ATP8A2: variants seen among roughly 807,000 people sequenced by gnomAD.
ATP8A2 encodes the protein ATPase phospholipid transporting 8A2.
ATP8A2 carries 100 observed loss-of-function variants against 165.6 expected under a neutral mutation model. The observed-to-expected ratio is 0.60, with a 90% CI of 0.51 to 0.71. ATP8A2 has a LOEUF of 0.71. Among genes scored for constraint, ATP8A2 ranks in the 30% least tolerant of loss-of-function variants. The pLI is 0.00. For missense variants in ATP8A2, 1,227 were observed against 1,479.5 expected (o/e 0.83, Z 2.80); for synonymous variants, 543 against 548.8 (o/e 0.99, Z 0.15).
chr13:25,815,673 T>C (rs1234688749), intron 27 of ATP8A2, among the ~76,000 whole-genome samples: 1 of 152,238 alleles, frequency 6.6e-6, no homozygotes, highest in Non-Finnish European at 1.5e-5. Context: ...GATCCAGCAA[T>C]TCTACTTCTG....
chr13:25,528,204 G>C (rs2037902569), intron 2 of ATP8A2, among the ~76,000 whole-genome samples: 1 of 152,186 alleles, frequency 6.6e-6, no homozygotes, highest in African/African-American at 2.4e-5. Flanking sequence ...CTTAAACAAG[G>C]AGGAGATCCA....
intron 27 of ATP8A2, among the ~76,000 whole-genome samples, chr13:25,801,366 A>C (rs1401541303): frequency 6.6e-6 from 1 of 152,116 alleles, no homozygotes; most frequent in African/African-American, 2.4e-5. Flanking sequence ...TCAAGCCAAA[A>C]TCTCTAGGGC....
intron 33 of ATP8A2, among the ~76,000 whole-genome samples, chr13:25,884,459 C>T (rs1490346827): frequency 1.3e-5 from 2 of 152,174 alleles, no homozygotes; most frequent in Non-Finnish European, 2.9e-5. Context: ...CGGGTGCCTT[C>T]TAGCTTCCTT....
At chr13:25,745,736 G>T (rs946204025) in intron 25 of ATP8A2, among the ~76,000 whole-genome samples, 8 of 152,170 alleles carry the variant, frequency 5.3e-5, no homozygotes, top group African/African-American at 1.9e-4. Context: ...TGAAATAAAG[G>T]CCAGGATTGG....
chr13:25,563,840 G>A (rs2039233054), intron 15 of ATP8A2, 116 bp from the exon 16 acceptor site: 4 of 639,208 alleles, frequency 6.3e-6, no homozygotes, highest in African/African-American at 1.8e-5. Context: ...AAAGTTTAAT[G>A]TGAATCCCTA....
At chr13:25,531,442 TG>T (rs1405027514) in intron 4 of ATP8A2, among the ~76,000 whole-genome samples, 1 of 41,474 alleles carries the variant, frequency 2.4e-5, no homozygotes. Context: ...ATTATATATA[TG>T]ATTATATATA....
intron 33 of ATP8A2, among the ~76,000 whole-genome samples, chr13:25,951,996 C>A (rs1310779320): frequency 2.0e-5 from 3 of 152,132 alleles, no homozygotes; most frequent in Non-Finnish European, 2.9e-5. Context: ...GTGCAGGTGT[C>A]CTAGACATAC....
intron 25 of ATP8A2, among the ~76,000 whole-genome samples, chr13:25,738,196 TA>T (rs1226411291): frequency 6.6e-6 from 1 of 152,188 alleles, no homozygotes; most frequent in East Asian, 1.9e-4. Flanking sequence ...GGCTGGGATT[TA>T]AACTCCAATG....
rs80095757 is a variant in ATP8A2 at position 25,617,943 on chromosome 13, T to A, written c.2211+28244T>A. On this transcript the variant is annotated intron_variant, in intron 24 of 36. Transcript: ENST00000381655. ...TGAAAGTTCCCAACATAGAAGCATT[T>A]TATATATATTAAATCAGTGTTAGAA... Among the ~76,000 whole-genome samples, 615 of 152,272 alleles carry A rather than the reference T, an allele frequency of 4.0e-3. 3 individuals carry two copies. Among genetic ancestry groups the A allele is most frequent in the African/African-American group, 0.014 (577 of 41,556 alleles).
intron 18 of ATP8A2, among the ~76,000 whole-genome samples, chr13:25,573,795 G>A (rs1192124853): frequency 1.3e-5 from 2 of 152,166 alleles, no homozygotes; most frequent in African/African-American, 2.4e-5. Flanking sequence ...CTCGGAACTC[G>A]TGGATCCAGA....
intron 2 of ATP8A2, among the ~76,000 whole-genome samples, chr13:25,507,063 G>A (rs1264811156): frequency 1.3e-5 from 2 of 151,478 alleles, no homozygotes; most frequent in African/African-American, 4.8e-5. Flanking sequence ...GAATAATACT[G>A]TGTAGAGGGA....
At chr13:25,513,642 G>A (rs1048932983) in intron 2 of ATP8A2, among the ~76,000 whole-genome samples, 1 of 151,990 alleles carries the variant, frequency 6.6e-6, no homozygotes, top group South Asian at 2.1e-4. Context: ...CCGAGATCAC[G>A]CCACTGCACT....
intron 24 of ATP8A2, among the ~76,000 whole-genome samples, chr13:25,606,955 C>G (rs2040532988): frequency 6.6e-6 from 1 of 152,084 alleles, no homozygotes; most frequent in African/African-American, 2.4e-5. Flanking sequence ...CAGTACTGGT[C>G]CATGGCCTGT....
intron 2 of ATP8A2, among the ~76,000 whole-genome samples, chr13:25,479,972 T>C (rs914688837): frequency 6.6e-6 from 1 of 152,164 alleles, no homozygotes; most frequent in Non-Finnish European, 1.5e-5. Context: ...AAAACCACCA[T>C]TGTCATCATG....
intron 1 of ATP8A2, among the ~76,000 whole-genome samples, chr13:25,414,247 A>G (rs1237704928): frequency 1.4e-5 from 2 of 147,162 alleles, no homozygotes; most frequent in Non-Finnish European, 3.0e-5. Flanking sequence ...CTGGAGTGCA[A>G]TGATGCAATC....
At chr13:25,516,690 C>A (rs1336850707) in intron 2 of ATP8A2, among the ~76,000 whole-genome samples, 1 of 151,280 alleles carries the variant, frequency 6.6e-6, no homozygotes, top group Non-Finnish European at 1.5e-5. Flanking sequence ...CCTTCTCTTG[C>A]AGTGCAAAAT....
Position 25,769,161 on chromosome 13 carries a change from G to C in ATP8A2, c.2500G>C (p.Val834Leu), listed in dbSNP as rs371354261. The C allele has an allele frequency of 9.9e-6, 16 of 1,613,958 alleles. No homozygotes were observed. Among genetic ancestry groups the C allele is most frequent in the Non-Finnish European group, 1.4e-5 (16 of 1,179,950 alleles). ...NDVGMIQTAH[V>L]GVGISGNEGM... ...TGTCGGGATGATCCAGACAGCCCAC[G>C]TGGGTGTGGGAATCAGTGGGAATGA... Residue 834 changes from valine to leucine, a missense_variant, in exon 26 of 37, where the codon GTG (valine) becomes CTG (leucine). Physicochemically the swap from Val to Leu is conservative, Grantham distance 32. Coordinates refer to ENST00000381655, the MANE Select transcript of ATP8A2 (RefSeq NM_016529.6).
intron 25 of ATP8A2, among the ~76,000 whole-genome samples, chr13:25,733,197 T>C (rs144094991): frequency 5.5e-4 from 84 of 152,220 alleles, no homozygotes; most frequent in African/African-American, 1.9e-3. Context: ...CATAGCATAA[T>C]AAAGAATGGC....
chr13:25,383,456 T>G (rs2032928595), intron 1 of ATP8A2, among the ~76,000 whole-genome samples: 2 of 152,174 alleles, frequency 1.3e-5, no homozygotes. Context: ...CTTTGTATAT[T>G]TTGGATGCCA....
Sources: allele counts gnomAD v4.1 joint callset (sites outside exome capture counted in the v4.1 genomes callset), GRCh38; gene constraint gnomAD v4.1.1; transcripts MANE v1.5; gene names NCBI Gene and HGNC (gene_info 2026-07-23, HGNC 2026-07-21).